The following CDCP2 variants were observed in gnomAD, a reference collection of about 807,000 sequenced individuals.
CDCP2 encodes CUB domain containing protein 2.
In CDCP2, 31 loss-of-function variants were observed where a neutral mutation model predicts 31.0. That is an observed-to-expected ratio of 1.00 (90% confidence interval 0.75 to 1.35). The LOEUF (loss-of-function observed/expected upper bound fraction) is 1.35. Ranked by LOEUF, CDCP2 falls within the 40% of genes most tolerant of loss-of-function variation. CDCP2 has a pLI of 0.00. For synonymous variants in CDCP2, 206 were observed against 207.9 expected, an observed-to-expected ratio of 0.99 and a Z score of 0.08; for missense variants, 443 against 482.6, an observed-to-expected ratio of 0.92 and a Z score of 0.77.
In CDCP2 at chr1:54,141,580, A is replaced by G. The variant is rs1010137656; in HGVS notation, c.428-147T>C. ...TCCAGCAAGCACCTGCTACCCAAGTAGCAAGTGTAGCACGTGCTCAGGCCC... is the reference window on the plus strand; with the variant it reads ...TCCAGCAAGCACCTGCTACCCAAGTGGCAAGTGTAGCACGTGCTCAGGCCC... On this transcript the variant is annotated intron_variant, in intron 2 of 5. Coordinates refer to ENST00000530059, the Ensembl canonical transcript of CDCP2. 3 of 661,602 alleles carry G rather than the reference A, an allele frequency of 4.5e-6. No homozygotes were observed. The African/African-American group carries it at 5.5e-5, about 12-fold the overall frequency. 41.0% of individuals were successfully genotyped at this position (661,602 alleles called of 1,614,324 possible).
intron 2 of CDCP2, chr1:54,142,757 G>GCCTGTGAGAT (rs940084826): frequency 6.6e-6 from 1 of 152,210 alleles, no homozygotes; most frequent in Non-Finnish European, 1.5e-5. Context: ...GGTTTAGATA[G>GCCTGTGAGAT]CCTGTGAGAT....
Position 54,139,649 on chromosome 1 carries a change from G to GGT in CDCP2, c.1117+103_1117+104insAC, listed in dbSNP as rs772742568. On this transcript the variant is annotated intron_variant, in intron 4 of 5. Coordinates refer to ENST00000530059, the Ensembl canonical transcript of CDCP2. ...GGAGCTGGAGAAGACCATTCATGGG[G>GGT]GGGGCAGGACAAACTGGTGGGATGG... 71 of 1,613,360 alleles carry GGT rather than the reference G, an allele frequency of 4.4e-5. No homozygotes were observed. In the South Asian group the frequency reaches 6.4e-4, roughly 14 times the overall value.
intron 4 of CDCP2, 106 bp downstream of exon 4, chr1:54,139,647 G>GA: frequency 8.2e-7 from 1 of 1,223,096 alleles, no homozygotes; most frequent in East Asian, 2.5e-5. Flanking sequence ...ACCATTCATG[G>GA]GGGGGGCAGG....
At chr1:54,149,017 T>C (rs952764918) in intron 1 of CDCP2, among the ~76,000 whole-genome samples, 4 of 147,456 alleles carry the variant, frequency 2.7e-5, no homozygotes, top group African/African-American at 1.0e-4. Flanking sequence ...TTTATATATA[T>C]ATATATTTGG....
rs754182376 is a variant in CDCP2, at chr1:54,144,845, C to T, written c.80-32G>A. On this transcript the variant is annotated intron_variant, in intron 1 of 5. Coordinates refer to ENST00000530059, the Ensembl canonical transcript of CDCP2. The stretch of plus-strand genomic sequence containing the variant: ...CAAGAGAGAAGTATGGCTGAGACTC[C>T]GTGCTGGGGTCTTGGGTACATGTGG... The T allele has an allele frequency of 4.6e-5, 71 of 1,543,790 alleles. 1 individual carries two copies. Among genetic ancestry groups the T allele is most frequent in the Admixed American group, 1.8e-4 (10 of 54,114 alleles).
intron 5 of CDCP2, 51 bp from the exon 6 acceptor site, chr1:54,133,345 TG>T (rs757768994): frequency 1.8e-5 from 7 of 398,480 alleles, no homozygotes; most frequent in Admixed American, 4.4e-5. Flanking sequence ...GGGCTGAACT[TG>T]TTTCCCTATA....
intron 2 of CDCP2, 125 bp downstream of exon 2, chr1:54,144,341 G>T: frequency 2.4e-6 from 2 of 847,842 alleles, no homozygotes; most frequent in Non-Finnish European, 3.6e-6. Context: ...CCCAGGGCCA[G>T]CTCCTCCACT....
At chr1:54,149,050 C>T (rs1659529822) in intron 1 of CDCP2, among the ~76,000 whole-genome samples, 3 of 147,172 alleles carry the variant, frequency 2.0e-5, no homozygotes, top group Non-Finnish European at 4.5e-5. Flanking sequence ...GAAAACTGAA[C>T]ATGAATTGAG....
chr1:54,152,836 G>A lies in CDCP2; in HGVS notation c.79+8C>T. The A allele has an allele frequency of 1.9e-6, 3 of 1,613,884 alleles. No homozygotes were observed. Among genetic ancestry groups the A allele is most frequent in the Non-Finnish European group, 2.5e-6 (3 of 1,179,758 alleles). ...CTCTCAGTTCATGTCTGTCCCAAGA[G>A]TGCCTACCTTCCATGGCTTGGGCCT... On this transcript the variant is annotated splice_region_variant and intron_variant, in intron 1 of 5. Coordinates refer to ENST00000530059, the Ensembl canonical transcript of CDCP2.
At chr1:54,140,976 G>A (rs1659358049) in intron 3 of CDCP2, 122 bp downstream of exon 3, 1 of 770,188 alleles carries the variant, frequency 1.3e-6, no homozygotes, top group South Asian at 2.4e-5. Flanking sequence ...ATTCCAGGCA[G>A]AGAGAGTGCA....
upstream of CDCP2, chr1:54,152,937 C>A (rs747913879): frequency 2.8e-5 from 45 of 1,613,178 alleles, no homozygotes; most frequent in South Asian, 4.7e-4. Flanking sequence ...TCACCAGGGG[C>A]CCCCACAGGT....
intron 1 of CDCP2, among the ~76,000 whole-genome samples, chr1:54,148,510 CG>C (rs1488143904): frequency 6.7e-6 from 1 of 149,666 alleles, no homozygotes; most frequent in Non-Finnish European, 1.5e-5. Context: ...AAGTGAAACA[CG>C]GGCCAGTAAA....
intron 3 of CDCP2, chr1:54,140,710 G>C (rs147390018): frequency 2.5e-4 from 48 of 188,758 alleles, no homozygotes; most frequent in Non-Finnish European, 5.1e-4. Context: ...AGACTGTAAA[G>C]TTCCCACGAC....
intron 1 of CDCP2, among the ~76,000 whole-genome samples, chr1:54,152,224 G>T (rs533703828): frequency 1.9e-4 from 29 of 152,194 alleles, no homozygotes; most frequent in Non-Finnish European, 3.7e-4. Context: ...AGCACTTTGG[G>T]AGGCCGAGGC....
intron 1 of CDCP2, among the ~76,000 whole-genome samples, chr1:54,147,303 T>C (rs1659491820): frequency 6.6e-6 from 1 of 151,864 alleles, no homozygotes; most frequent in African/African-American, 2.4e-5. Context: ...TTTATCAATT[T>C]TTTTTAGGAA....
rs972242130 is a variant in CDCP2 at position 54,144,312 on chromosome 1, GCTA to G, written c.427+151_427+153del. The G allele has an allele frequency of 1.4e-5, 9 of 660,180 alleles. No homozygotes were observed. In the African/African-American group the frequency reaches 1.6e-4, roughly 12 times the overall value. The allele number at this position is 660,180 out of a possible 1,614,324, so 40.9% of individuals were successfully genotyped here. On this transcript the variant is annotated intron_variant, in intron 2 of 5. Transcript: ENST00000530059. ...CTGTAGGTCTCACCTGAGCCCTGCTGCTATCTTCCCATCTCCACCCCAGGGCCA... is the reference window on the plus strand; with the variant it reads ...CTGTAGGTCTCACCTGAGCCCTGCTGTCTTCCCATCTCCACCCCAGGGCCA...
chr1:54,140,038 G>A (rs1427215635), exon 4 of CDCP2: 5 of 1,613,756 alleles, frequency 3.1e-6, no homozygotes, highest in Non-Finnish European at 4.2e-6. Context: ...ATGTTGTTGG[G>A]GTAGGAGCTG....
At chr1:54,139,404 AC>A in intron 4 of CDCP2, 1 of 828,318 alleles carries the variant, frequency 1.2e-6, no homozygotes. Flanking sequence ...TTTGCCATAA[AC>A]AATATTACCA....
At chr1:54,139,794 C>A (rs541638967) in exon 4 of CDCP2, 3 of 1,614,196 alleles carry the variant, frequency 1.9e-6, no homozygotes, top group Admixed American at 3.3e-5. Context: ...GGTGGTGCTG[C>A]GGTCTGTGTG....
Sources: allele counts gnomAD v4.1 joint callset (sites outside exome capture counted in the v4.1 genomes callset), GRCh38; gene constraint gnomAD v4.1.1; transcripts MANE v1.5; gene names NCBI Gene and HGNC (gene_info 2026-07-23, HGNC 2026-07-21).